Variants in FAM81A observed in about 807,000 individuals in gnomAD.
FAM81A encodes the protein family with sequence similarity 81 member A, also known as protein FAM81A.
FAM81A carries 19 observed loss-of-function variants against 46.7 expected under a neutral mutation model. The ratio of observed to expected loss-of-function variants is 0.41; its 90% confidence interval spans 0.28 to 0.60. FAM81A has a LOEUF of 0.60. Ranked by LOEUF, FAM81A falls within the 20% of genes least tolerant of loss-of-function variation. FAM81A has a pLI of 0.34. For missense variants in FAM81A, 377 were observed against 453.5 expected (o/e 0.83, Z 1.53); for synonymous variants, 183 against 152.9 (o/e 1.20, Z -1.45).
intron 1 of FAM81A, among the ~76,000 whole-genome samples, chr15:59,448,541 GTAGA>G (rs1167179961): frequency 1.3e-5 from 2 of 151,810 alleles, no homozygotes; most frequent in Admixed American, 6.6e-5. Context: ...AGATAGATAG[GTAGA>G]TAGATAGATA....
chr15:59,422,504 T>G lies in FAM81A; in HGVS notation c.-78+20146T>G, dbSNP rs948478509. On this transcript the variant is annotated intron_variant, in intron 2 of 4. Coordinates refer to the FAM81A transcript ENST00000558348. ...TATTTATTTATTTTTTGAGGTGGAG[T>G]CTCGCTCTGTCACCCAGGCTGGAGT... Among the ~76,000 whole-genome samples the G allele has an allele frequency of 5.1e-4, 77 of 151,994 alleles. 1 individual carries two copies. Among genetic ancestry groups the G allele is most frequent in the African/African-American group, 1.7e-3 (72 of 41,382 alleles).
intron 4 of FAM81A, among the ~76,000 whole-genome samples, chr15:59,498,224 A>T (rs993670727): frequency 6.6e-6 from 1 of 152,152 alleles, no homozygotes; most frequent in African/African-American, 2.4e-5. Flanking sequence ...ATCTTTCAAC[A>T]CTATTTTGGA....
At chr15:59,452,382 C>G (rs1378703074) in intron 1 of FAM81A, among the ~76,000 whole-genome samples, 3 of 152,234 alleles carry the variant, frequency 2.0e-5, no homozygotes, top group Non-Finnish European at 4.4e-5. Context: ...CGTAGTGGCT[C>G]ACGCCTGTAA....
chr15:59,441,122 A>G (rs1429012286), intron 1 of FAM81A, among the ~76,000 whole-genome samples: 4 of 152,244 alleles, frequency 2.6e-5, no homozygotes, highest in Middle Eastern at 3.4e-3. Flanking sequence ...GTTAATCCAC[A>G]TGCAATCCAC....
At chr15:59,472,661 C>A (rs2081710311) in intron 3 of FAM81A, among the ~76,000 whole-genome samples, 1 of 151,994 alleles carries the variant, frequency 6.6e-6, no homozygotes, top group South Asian at 2.1e-4. Flanking sequence ...GGTGATCCTC[C>A]CACCTCAGCC....
chr15:59,483,858 G>A (rs1441700485), intron 3 of FAM81A, among the ~76,000 whole-genome samples: 3 of 152,176 alleles, frequency 2.0e-5, no homozygotes, highest in Admixed American at 6.5e-5. Flanking sequence ...TCACTGCTTC[G>A]CACCCTATAA....
intron 4 of FAM81A, among the ~76,000 whole-genome samples, chr15:59,502,153 TTTTTTCTTTTTC>T (rs199767871): frequency 6.6e-6 from 1 of 150,710 alleles, no homozygotes; most frequent in African/African-American, 2.4e-5. Context: ...TATTTTTTAT[TTTTTTCTTTTTC>T]TTTTTCTTTT....
At chr15:59,485,221 T>C (rs1221717273) in intron 3 of FAM81A, among the ~76,000 whole-genome samples, 2 of 152,186 alleles carry the variant, frequency 1.3e-5, no homozygotes, top group Admixed American at 6.5e-5. Context: ...CAAGCCTGGC[T>C]GGCTTCACCA....
rs2082326469 is a variant in FAM81A at position 59,521,369 on chromosome 15, C to T, written c.1098C>T (p.Thr366=). Residue 366 remains threonine, a synonymous_variant, in exon 9 of 9, where the codon ACC becomes ACT. Coordinates refer to ENST00000288228, the MANE Select transcript of FAM81A (RefSeq NM_152450.3). ...TCCAGCTGATGCAGAAGCCAGAGAC[C>T]CCCATGTGAAGGGAGCTGGGACAAG... ...KQIQLMQKPE[T]PM 3.1e-6 allele frequency: 5 copies of T among 1,609,748 alleles called. No homozygotes were observed. Among genetic ancestry groups the T allele is most frequent in the Non-Finnish European group, 4.2e-6 (5 of 1,177,810 alleles).
At chr15:59,409,749 T>C (rs2081112468) in intron 2 of FAM81A, among the ~76,000 whole-genome samples, 1 of 152,226 alleles carries the variant, frequency 6.6e-6, no homozygotes, top group Non-Finnish European at 1.5e-5. Context: ...TATGCTATAC[T>C]CTGAACGTTT....
At chr15:59,515,884 C>G (rs1481590447) in intron 7 of FAM81A, among the ~76,000 whole-genome samples, 2 of 152,126 alleles carry the variant, frequency 1.3e-5, no homozygotes, top group African/African-American at 4.8e-5. Flanking sequence ...ATAGGTAATG[C>G]AGGACTGGTA....
chr15:59,422,072 A>G (rs1475301562), intron 2 of FAM81A, among the ~76,000 whole-genome samples: 1 of 152,124 alleles, frequency 6.6e-6, no homozygotes, highest in Non-Finnish European at 1.5e-5. Context: ...TTCACATAAC[A>G]TAAAATTAAG....
chr15:59,521,495 C>A lies in FAM81A; in HGVS notation c.*117C>A, dbSNP rs887051857. On this transcript the variant is annotated 3_prime_UTR_variant, in exon 9 of 9. Coordinates refer to ENST00000288228, the MANE Select transcript of FAM81A (RefSeq NM_152450.3). ...TGTTCCATCCATGGCGTGCATGTGCCAAGAAATGTGTTTTTATGGGTCTAA... is the reference window on the plus strand; with the variant it reads ...TGTTCCATCCATGGCGTGCATGTGCAAAGAAATGTGTTTTTATGGGTCTAA... The A allele has an allele frequency of 4.0e-6, 5 of 1,257,910 alleles. No individual in the cohort carries two copies. In the East Asian group the frequency reaches 8.4e-5, roughly 21 times the overall value. The allele number at this position is 1,257,910 out of a possible 1,614,324, so 77.9% of individuals were successfully genotyped here. A position where few individuals can be genotyped will look rare whatever the true frequency, so the allele number is the denominator to read the frequency against.
At chr15:59,491,030 G>C (rs986959776) in intron 3 of FAM81A, among the ~76,000 whole-genome samples, 2 of 152,114 alleles carry the variant, frequency 1.3e-5, no homozygotes, top group Non-Finnish European at 2.9e-5. Flanking sequence ...CTAAAACAGA[G>C]CTACCATATG....
chr15:59,500,546 C>A (rs539894368), intron 4 of FAM81A, among the ~76,000 whole-genome samples: 118 of 152,226 alleles, frequency 7.8e-4, no homozygotes, highest in African/African-American at 2.4e-3. Context: ...AAGCAATTCT[C>A]CTGCCTCAGC....
intron 2 of FAM81A, among the ~76,000 whole-genome samples, chr15:59,404,822 T>G (rs183327863): frequency 6.6e-6 from 1 of 152,316 alleles, no homozygotes; most frequent in Admixed American, 6.5e-5. Flanking sequence ...TCAAAACTCT[T>G]CCAATGGCTT....
intron 2 of FAM81A, among the ~76,000 whole-genome samples, chr15:59,424,999 A>G (rs1404123594): frequency 6.6e-6 from 1 of 152,048 alleles, no homozygotes; most frequent in Non-Finnish European, 1.5e-5. Flanking sequence ...TCAAACTTCA[A>G]CATACATTCT....
At chr15:59,504,735 T>C (rs867731913) in intron 4 of FAM81A, among the ~76,000 whole-genome samples, 2 of 152,326 alleles carry the variant, frequency 1.3e-5, no homozygotes, top group Middle Eastern at 6.8e-3. Context: ...TATTCTTGGA[T>C]GATAGGTTAT....
intron 2 of FAM81A, among the ~76,000 whole-genome samples, chr15:59,412,862 C>G (rs1321199789): frequency 6.6e-6 from 1 of 152,170 alleles, no homozygotes; most frequent in Non-Finnish European, 1.5e-5. Context: ...GGGCTTTCCT[C>G]TGTTGACATT....
Sources: gnomAD v4.1 joint callset for allele counts (sites outside exome capture counted in the v4.1 genomes callset) on GRCh38, gnomAD v4.1.1 for gene constraint, MANE v1.5 for transcripts, NCBI Gene and HGNC (gene_info 2026-07-23, HGNC 2026-07-21) for gene names.